The following MRPL19 variants were observed in gnomAD, a reference collection of about 807,000 sequenced individuals.
MRPL19 encodes the protein mitochondrial ribosomal protein L19.
Under a neutral mutation model 34.0 loss-of-function variants are expected in MRPL19, and 31 were observed. The observed-to-expected ratio is 0.91, with a 90% CI of 0.68 to 1.23. MRPL19 has a LOEUF of 1.23. Ranked by LOEUF, MRPL19 falls within the 50% of genes most tolerant of loss-of-function variation. The pLI is 0.00. For synonymous variants in MRPL19, 152 were observed against 127.7 expected (o/e 1.19, Z -1.28); for missense variants, 384 against 367.6 (o/e 1.04, Z -0.37).
Position 75,646,898 on chromosome 2 carries a change from T to C in MRPL19, c.91T>C (p.Ser31Pro). 6.3e-7 allele frequency: 1 copy of C among 1,595,910 alleles called. No homozygotes were observed. Among genetic ancestry groups the C allele is most frequent in the Non-Finnish European group, 8.5e-7 (1 of 1,171,516 alleles). The change falls in exon 1 of 6, where the codon TCT (serine) becomes CCT (proline). Residue 31 changes from serine (S) to proline (P), a missense_variant. Transcript: ENST00000393909. ...AARTLLPPPA[S>P]IACRVHAGPV... ...CAGGACTCTGCTCCCCCCGCCGGCC[T>C]CTATCGCCTGCAGTAAGTGGAGCCG...
At position 75,660,058 on chromosome 2, in the gene MRPL19, A is replaced by T. The variant is rs1678570128; in HGVS notation, c.*4773A>T. On this transcript the variant is annotated 3_prime_UTR_variant, in exon 6 of 6. Coordinates refer to ENST00000393909, the MANE Select transcript of MRPL19 (RefSeq NM_014763.4). The stretch of plus-strand genomic sequence containing the variant: ...TAGGCTGTGTTCTCTTTTGTTCCTC[A>T]GACTTGATTATTGCAGTTGCCCTTC... Among the ~76,000 whole-genome samples the T allele has an allele frequency of 6.6e-6, 1 of 150,948 alleles. No individual in the cohort carries two copies. Among genetic ancestry groups the T allele is most frequent in the Admixed American group, 6.6e-5 (1 of 15,180 alleles).
At chr2:75,650,214 A>G (rs918317293) in intron 2 of MRPL19, among the ~76,000 whole-genome samples, 1 of 152,222 alleles carries the variant, frequency 6.6e-6, no homozygotes, top group African/African-American at 2.4e-5. Context: ...ATGAATATTC[A>G]TTGTACTGTC....
In MRPL19 at chr2:75,661,787, T is replaced by G. The variant is rs189582530; in HGVS notation, c.*6502T>G. Reference sequence around the variant, plus strand: ...ATCCTCCCAGCTCAGTCTCACAAAGTGTTGGGATGTCTGGCCAACTAATGA... The same window carrying G: ...ATCCTCCCAGCTCAGTCTCACAAAGGGTTGGGATGTCTGGCCAACTAATGA... On this transcript the variant is annotated 3_prime_UTR_variant, in exon 6 of 6. Transcript: ENST00000393909. The G allele has an allele frequency of 6.6e-6, 1 of 152,368 alleles. No homozygotes were observed. Among genetic ancestry groups the G allele is most frequent in the Admixed American group, 6.5e-5 (1 of 15,286 alleles). The allele number at this position is 152,368 out of a possible 1,614,324, so 9.4% of individuals were successfully genotyped here. A position where few individuals can be genotyped will look rare whatever the true frequency, so the allele number is the denominator to read the frequency against.
At position 75,662,061 on chromosome 2, in the gene MRPL19, CTT is replaced by C. The variant is rs1430200656; in HGVS notation, c.*6780_*6781del. ...AGGGGGTGCTGAATTTTGTCAAACA[CTT>C]TTTCGGTAATAATTGAGATGATTGG... On this transcript the variant is annotated 3_prime_UTR_variant, in exon 6 of 6. Transcript: ENST00000393909. The C allele has an allele frequency of 1.3e-5, 2 of 152,176 alleles. No homozygotes were observed. Among genetic ancestry groups the C allele is most frequent in the African/African-American group, 4.8e-5 (2 of 41,442 alleles). The allele number at this position is 152,176 out of a possible 1,614,324, so 9.4% of individuals were successfully genotyped here.
chr2:75,652,280 T>C lies in MRPL19; in HGVS notation c.340+20T>C. The stretch of plus-strand genomic sequence containing the variant: ...ATGTTGGTCAGTAAGAGCTGTATGT[T>C]TTTATTATTAGTAATTAGGATGGCT... On this transcript the variant is annotated intron_variant, in intron 3 of 5. Coordinates refer to ENST00000393909, the MANE Select transcript of MRPL19 (RefSeq NM_014763.4). 1.4e-6 allele frequency: 2 copies of C among 1,472,744 alleles called. No individual in the cohort carries two copies. The highest frequency in any genetic ancestry group is 2.4e-5 in the South Asian group (2 of 82,368). 91.2% of individuals were successfully genotyped at this position (1,472,744 alleles called of 1,614,324 possible).
Position 75,647,164 on chromosome 2 carries a change from C to G in MRPL19, c.166C>G (p.Pro56Ala). 6.3e-7 allele frequency: 1 copy of G among 1,578,514 alleles called. No individual in the cohort carries two copies. Among genetic ancestry groups the G allele is most frequent in the Non-Finnish European group, 8.6e-7 (1 of 1,161,628 alleles). Residue 56 changes from proline (P) to alanine (A), a missense_variant, in exon 2 of 6, where the codon CCG becomes GCG. Coordinates refer to ENST00000393909, the MANE Select transcript of MRPL19 (RefSeq NM_014763.4). ...GCCTTCCGAGCCCGGTGCGTTCCAA[C>G]CGCCGCCGAAACCGGTCATCGTGGA... is the stretch of plus-strand genomic sequence containing the variant. ...TGPSEPGAFQPPPKPVIVDKH... is the reference protein window; with the variant it reads ...TGPSEPGAFQAPPKPVIVDKH...
In MRPL19 at chr2:75,656,909, C is replaced by T. The variant is rs979541575; in HGVS notation, c.*1624C>T. On this transcript the variant is annotated 3_prime_UTR_variant, in exon 6 of 6. Transcript: ENST00000393909. The stretch of plus-strand genomic sequence containing the variant: ...CACTGGGTATCTATTTTCTTACCTC[C>T]CTCCCTTGACCCCAGTCTCTGTTTT... 1 of 152,116 alleles carries T rather than the reference C, an allele frequency of 6.6e-6. No homozygotes were observed. The highest frequency in any genetic ancestry group is 2.1e-4 in the South Asian group (1 of 4,820). 9.4% of individuals were successfully genotyped at this position (152,116 alleles called of 1,614,324 possible).
At position 75,658,376 on chromosome 2, in the gene MRPL19, T is replaced by G. The variant is rs1030619951; in HGVS notation, c.*3091T>G. Among the ~76,000 whole-genome samples the G allele has an allele frequency of 5.3e-5, 8 of 152,176 alleles. No homozygotes were observed. The highest frequency in any genetic ancestry group is 1.2e-4 in the Non-Finnish European group (8 of 68,024). ...TATGACTAAATAATATTCCATTGTA[T>G]GTATATACATTTTGTTCATCCATCT... On this transcript the variant is annotated 3_prime_UTR_variant, in exon 6 of 6. Coordinates refer to ENST00000393909, the MANE Select transcript of MRPL19 (RefSeq NM_014763.4).
In MRPL19 at chr2:75,655,551, T is replaced by G. The variant is rs1291313139; in HGVS notation, c.*266T>G. On this transcript the variant is annotated 3_prime_UTR_variant, in exon 6 of 6. Transcript: ENST00000393909. ...GTCAGAGCATCACCAGAATGGTCTT[T>G]AATGAGCATGGAACCTGAGCAAAGG... The G allele has an allele frequency of 1.2e-5, 4 of 325,282 alleles. No homozygotes were observed. In the Admixed American group the frequency reaches 1.8e-4, roughly 15 times the overall value. 20.1% of individuals were successfully genotyped at this position (325,282 alleles called of 1,614,324 possible). A position where few individuals can be genotyped will look rare whatever the true frequency, so the allele number is the denominator to read the frequency against.
intron 2 of MRPL19, chr2:75,651,511 A>G (rs570381354): frequency 1.8e-5 from 9 of 504,372 alleles, no homozygotes; most frequent in African/African-American, 1.7e-4. Flanking sequence ...TCGTCTGTAG[A>G]TAGGTGTTAC....
At chr2:75,651,244 GT>G in intron 2 of MRPL19, 2 of 469,658 alleles carry the variant, frequency 4.3e-6, no homozygotes, top group South Asian at 1.6e-5. Flanking sequence ...ACCCGCACCT[GT>G]CATCCAAGGA....
chr2:75,655,507 A>G lies in MRPL19; in HGVS notation c.*222A>G. On this transcript the variant is annotated 3_prime_UTR_variant, in exon 6 of 6. Coordinates refer to ENST00000393909, the MANE Select transcript of MRPL19 (RefSeq NM_014763.4). ...GGACCAATGTCCATTTGCTTATTGG[A>G]GGCAAAGCTACAATAGAAGTCAGAG... 2.4e-6 allele frequency: 1 copy of G among 413,742 alleles called. No homozygotes were observed. Among genetic ancestry groups the G allele is most frequent in the Non-Finnish European group, 4.3e-6 (1 of 233,848 alleles). 25.6% of individuals were successfully genotyped at this position (413,742 alleles called of 1,614,324 possible).
At chr2:75,653,658 G>A (rs533439025) in intron 4 of MRPL19, among the ~76,000 whole-genome samples, 1 of 152,162 alleles carries the variant, frequency 6.6e-6, no homozygotes, top group Non-Finnish European at 1.5e-5. Flanking sequence ...TATACCATCT[G>A]TATAATGATA....
At chr2:75,652,763 G>T in intron 4 of MRPL19, 106 bp downstream of exon 4, 2 of 1,219,958 alleles carry the variant, frequency 1.6e-6, no homozygotes, top group Non-Finnish European at 2.3e-6. Context: ...AGTAAAAGGA[G>T]ACTCTGAGGG....
At position 75,647,244 on chromosome 2, in the gene MRPL19, C is replaced by T. The variant is rs546630780; in HGVS notation, c.221+25C>T. ...GGTGAGGCACTGCCCTGGCGCTAGG[C>T]CGGCAACTGGGGTCGGTGCGCGCGT... On this transcript the variant is annotated intron_variant, in intron 2 of 5. Transcript: ENST00000393909. 9.0e-6 allele frequency: 14 copies of T among 1,557,754 alleles called. No homozygotes were observed. The East Asian group carries it at 3.1e-4, about 34-fold the overall frequency.
rs575306802 is a variant in MRPL19, at chr2:75,658,448, T to C, written c.*3163T>C. ...TCTACCTTTTGGCTATTGTGAATAA[T>C]GCTGCAGTAAACATTGACATAACAA... On this transcript the variant is annotated 3_prime_UTR_variant, in exon 6 of 6. Coordinates refer to ENST00000393909, the MANE Select transcript of MRPL19 (RefSeq NM_014763.4). Among the ~76,000 whole-genome samples the C allele has an allele frequency of 6.6e-6, 1 of 152,340 alleles. No individual in the cohort carries two copies. Among genetic ancestry groups the C allele is most frequent in the East Asian group, 1.9e-4 (1 of 5,194 alleles).
At position 75,655,278 on chromosome 2, in the gene MRPL19, G is replaced by A. The variant is rs769883050; in HGVS notation, c.872G>A (p.Arg291Lys). The part of the protein sequence containing the change: ...AIWKEIEASK[R>K]S ...TGGAAGGAAATTGAAGCGTCGAAAA[G>A]GTCTTGATTCTGAGAATGAATTTGG... The change falls in exon 6 of 6, where the codon AGG becomes AAG. Residue 291 changes from arginine (R) to lysine (K), a missense_variant. By Grantham distance (26) the Arg-to-Lys change is conservative. Transcript: ENST00000393909. 3 of 1,610,460 alleles carry A rather than the reference G, an allele frequency of 1.9e-6. No homozygotes were observed. The highest frequency in any genetic ancestry group is 2.2e-5 in the South Asian group (2 of 90,610).
chr2:75,651,265 G>C (rs574658757), intron 2 of MRPL19: 4 of 491,832 alleles, frequency 8.1e-6, no homozygotes, highest in South Asian at 6.1e-5. Context: ...AAGAGAAAAT[G>C]GTTCAGGGAC....
In MRPL19 at chr2:75,660,294, T is replaced by C. The variant is rs1318424932; in HGVS notation, c.*5009T>C. ...TTTGTCCATGTTTTCCTTTAGCTCTTTGGGCTTATTTAAGACAATTGTTTA... is the reference window on the plus strand; with the variant it reads ...TTTGTCCATGTTTTCCTTTAGCTCTCTGGGCTTATTTAAGACAATTGTTTA... On this transcript the variant is annotated 3_prime_UTR_variant, in exon 6 of 6. Coordinates refer to ENST00000393909, the MANE Select transcript of MRPL19 (RefSeq NM_014763.4). Among the ~76,000 whole-genome samples, 1 of 152,212 alleles carries C rather than the reference T, an allele frequency of 6.6e-6. No homozygotes were observed. The highest frequency in any genetic ancestry group is 1.5e-5 in the Non-Finnish European group (1 of 68,034).
Sources: allele counts gnomAD v4.1 joint callset (sites outside exome capture counted in the v4.1 genomes callset), GRCh38; gene constraint gnomAD v4.1.1; transcripts MANE v1.5; gene names NCBI Gene and HGNC (gene_info 2026-07-23, HGNC 2026-07-21).